TEF: variants seen among roughly 807,000 people sequenced by gnomAD.
The protein encoded by TEF is thyrotroph embryonic factor.
In TEF, 3 loss-of-function variants were observed where a neutral mutation model predicts 20.8. That is an observed-to-expected ratio of 0.14 (90% CI 0.07 to 0.37). TEF has a LOEUF of 0.37. TEF is among the 10% of genes least tolerant of loss of function. The pLI, the probability that TEF is intolerant of heterozygous loss-of-function variation, is 1.00. For missense variants in TEF, 296 were observed against 397.9 expected (o/e 0.74, Z 2.18); for synonymous variants, 180 against 171.1 (o/e 1.05, Z -0.41).
chr22:41,395,982 G>A lies in TEF; in HGVS notation c.*22G>A, dbSNP rs1316948200. On this transcript the variant is annotated 3_prime_UTR_variant, in exon 4 of 4. Coordinates refer to ENST00000266304, the MANE Select transcript of TEF (RefSeq NM_003216.4). ...GTAACCCGTGCCCCCCGCCCGGGCG[G>A]GGTACTGCCTGCACCTCAGACCTCT... The A allele has an allele frequency of 6.2e-7, 1 of 1,602,194 alleles. No homozygotes were observed. Among genetic ancestry groups the A allele is most frequent in the Non-Finnish European group, 8.5e-7 (1 of 1,171,002 alleles).
intron 1 of TEF, among the ~76,000 whole-genome samples, chr22:41,384,643 G>A (rs1301727030): frequency 1.3e-5 from 2 of 152,050 alleles, no homozygotes; most frequent in African/African-American, 2.4e-5. Context: ...ATAGTCCACC[G>A]TCTGCCTACC....
rs991469196 is a variant in TEF, at chr22:41,396,757, T to C, written c.*797T>C. 3.3e-5 allele frequency: 13 copies of C among 394,062 alleles called. No individual in the cohort carries two copies. Among genetic ancestry groups the C allele is most frequent in the Non-Finnish European group, 5.4e-5 (12 of 223,844 alleles). 24.4% of individuals were successfully genotyped at this position (394,062 alleles called of 1,614,324 possible). A position where few individuals can be genotyped will look rare whatever the true frequency, so the allele number is the denominator to read the frequency against. On this transcript the variant is annotated 3_prime_UTR_variant, in exon 4 of 4. Coordinates refer to ENST00000266304, the MANE Select transcript of TEF (RefSeq NM_003216.4). ...TCCTCTCCAGGCTACTCAGAGGCCA[T>C]GTGAAGCTCGTTTGTCCCACTAGAC...
chr22:41,395,154 G>T (rs1482810971), intron 3 of TEF, among the ~76,000 whole-genome samples: 1 of 151,926 alleles, frequency 6.6e-6, no homozygotes, highest in African/African-American at 2.4e-5. Flanking sequence ...TTACAGATGT[G>T]CACCACCACG....
intron 2 of TEF, among the ~76,000 whole-genome samples, chr22:41,391,054 G>A (rs1418182949): frequency 6.6e-6 from 1 of 152,060 alleles, no homozygotes; most frequent in African/African-American, 2.4e-5. Context: ...TGGCATGCCC[G>A]AAACTGCCTA....
intron 1 of TEF, among the ~76,000 whole-genome samples, chr22:41,386,493 T>C (rs1160340341): frequency 1.4e-5 from 2 of 140,848 alleles, no homozygotes; most frequent in African/African-American, 2.7e-5. Context: ...GTAATCCCAG[T>C]ACTTTGGGAG....
chr22:41,392,758 T>C (rs1601824971), intron 2 of TEF, among the ~76,000 whole-genome samples: 1 of 145,830 alleles, frequency 6.9e-6, no homozygotes, highest in Non-Finnish European at 1.5e-5. Flanking sequence ...GAACCCGGGC[T>C]GGACGTGGTG....
chr22:41,377,860 T>C (rs980564447), upstream of TEF, among the ~76,000 whole-genome samples: 3 of 152,130 alleles, frequency 2.0e-5, no homozygotes, highest in Non-Finnish European at 4.4e-5. Context: ...CCAGCGTCAC[T>C]TGCCTGTTAG....
chr22:41,379,683 G>A (rs1363338515), upstream of TEF, among the ~76,000 whole-genome samples: 1 of 152,030 alleles, frequency 6.6e-6, no homozygotes, highest in Non-Finnish European at 1.5e-5. Flanking sequence ...TGACCAACAT[G>A]GAGAAACCCC....
chr22:41,397,223 G>A lies in TEF; in HGVS notation c.*1263G>A, dbSNP rs71327132. 5.0e-6 allele frequency: 2 copies of A among 397,832 alleles called. No homozygotes were observed. Among genetic ancestry groups the A allele is most frequent in the Non-Finnish European group, 8.9e-6 (2 of 225,954 alleles). 24.6% of individuals were successfully genotyped at this position (397,832 alleles called of 1,614,324 possible). ...TCAGTCTTGGTCCCAGGAGATGGGG[G>A]CCACTCGTGAGGCTGGCCATGCTGT... On this transcript the variant is annotated 3_prime_UTR_variant, in exon 4 of 4. Coordinates refer to ENST00000266304, the MANE Select transcript of TEF (RefSeq NM_003216.4).
intron 1 of TEF, among the ~76,000 whole-genome samples, chr22:41,386,603 A>G (rs1390342112): frequency 5.3e-5 from 8 of 151,872 alleles, no homozygotes; most frequent in Admixed American, 2.6e-4. Flanking sequence ...TTAGCTGGTC[A>G]TGGTGGCAGG....
At chr22:41,367,733 A>C in intron 1 of TEF, 27 of 830,570 alleles carry the variant, frequency 3.3e-5, no homozygotes, top group East Asian at 5.7e-5. Context: ...CCTTGGTCTC[A>C]GGGTGCAGAG....
chr22:41,372,284 G>A (rs2036891562), intron 1 of TEF, among the ~76,000 whole-genome samples: 1 of 151,948 alleles, frequency 6.6e-6, no homozygotes, highest in African/African-American at 2.4e-5. Flanking sequence ...CATCCCTTCA[G>A]AGAAATGTGA....
intron 1 of TEF, among the ~76,000 whole-genome samples, chr22:41,383,322 C>G (rs1484732219): frequency 2.6e-5 from 4 of 152,156 alleles, no homozygotes; most frequent in African/African-American, 7.2e-5. Context: ...CTCATGTGCA[C>G]AAACCCTTTT....
chr22:41,393,855 C>T (rs2037195803), intron 2 of TEF, among the ~76,000 whole-genome samples: 2 of 150,952 alleles, frequency 1.3e-5, no homozygotes, highest in African/African-American at 4.9e-5. Flanking sequence ...CTGTCTTTTT[C>T]TAGGGCTTCT....
chr22:41,378,470 C>A (rs548114151), upstream of TEF, among the ~76,000 whole-genome samples: 2 of 151,950 alleles, frequency 1.3e-5, no homozygotes, highest in Non-Finnish European at 2.9e-5. Context: ...TTCAACCTCC[C>A]GAGTTGCTGG....
At chr22:41,370,120 C>CCTT in intron 1 of TEF, 1 of 792,796 alleles carries the variant, frequency 1.3e-6, no homozygotes, top group Non-Finnish European at 1.5e-6. Flanking sequence ...CTCTTTCCCC[C>CCTT]TTTTTTTTTT....
chr22:41,385,421 G>A (rs2037085979), intron 1 of TEF, among the ~76,000 whole-genome samples: 1 of 152,076 alleles, frequency 6.6e-6, no homozygotes, highest in South Asian at 2.1e-4. Context: ...CTTATGTACA[G>A]TGGAGGATAC....
intron 1 of TEF, among the ~76,000 whole-genome samples, chr22:41,373,846 C>T (rs2036910553): frequency 1.3e-5 from 2 of 151,518 alleles, no homozygotes; most frequent in Non-Finnish European, 2.9e-5. Context: ...TCACTGCAAC[C>T]TCTGCCTCCA....
intron 1 of TEF, among the ~76,000 whole-genome samples, chr22:41,386,010 A>G (rs2145981864): frequency 6.6e-6 from 1 of 151,320 alleles, no homozygotes. Flanking sequence ...TATTTTTAGG[A>G]GAGACAGGGT....
Sources: allele counts gnomAD v4.1 joint callset (sites outside exome capture counted in the v4.1 genomes callset), GRCh38; gene constraint gnomAD v4.1.1; transcripts MANE v1.5; gene names NCBI Gene and HGNC (gene_info 2026-07-23, HGNC 2026-07-21).